The following GSAP variants were observed in gnomAD, a reference collection of about 807,000 sequenced individuals.
GSAP encodes the protein gamma-secretase-activating protein.
A neutral mutation model predicts 131.7 loss-of-function variants in GSAP; 118 were observed. The ratio of observed to expected loss-of-function variants is 0.90; its 90% confidence interval spans 0.77 to 1.04. The LOEUF (loss-of-function observed/expected upper bound fraction) is 1.04. GSAP is among the 50% of genes least tolerant of loss of function. GSAP has a pLI of 0.00. For missense variants in GSAP, 1,019 were observed against 1,013.2 expected, an observed-to-expected ratio of 1.01 and a Z score of -0.08; for synonymous variants, 381 against 363.4, an observed-to-expected ratio of 1.05 and a Z score of -0.55.
In GSAP at chr7:77,355,238, T is replaced by G. The variant is rs146379296; in HGVS notation, c.1313A>C (p.Gln438Pro). The stretch of plus-strand genomic sequence containing the variant: ...CTGGGCTTCCAGGAACTGCGCACCT[T>G]GACCGCAGTAGAGCGCGCAGTGCAA... ...AALHCALYCG[Q>P]GAQFLEAQII... Residue 438 changes from glutamine to proline, a missense_variant, in exon 16 of 31, where the codon CAA becomes CCA. Coordinates refer to ENST00000257626, the MANE Select transcript of GSAP (RefSeq NM_017439.4). 6 of 1,613,226 alleles carry G rather than the reference T, an allele frequency of 3.7e-6. No individual in the cohort carries two copies. The highest frequency in any genetic ancestry group is 5.1e-6 in the Non-Finnish European group (6 of 1,179,324).
At chr7:77,316,623 C>T (rs1303302684) in intron 26 of GSAP, among the ~76,000 whole-genome samples, 3 of 152,196 alleles carry the variant, frequency 2.0e-5, no homozygotes, top group African/African-American at 4.8e-5. Flanking sequence ...GAAAAGTTTA[C>T]ACTAGATTAT....
chr7:77,325,145 C>T (rs1788156728), intron 23 of GSAP, among the ~76,000 whole-genome samples: 1 of 152,022 alleles, frequency 6.6e-6, no homozygotes, highest in Non-Finnish European at 1.5e-5. Context: ...AATGGCTGTG[C>T]AATATTTAAT....
chr7:77,415,001 G>GC, intron 1 of GSAP, among the ~76,000 whole-genome samples: 1 of 151,920 alleles, frequency 6.6e-6, no homozygotes, highest in South Asian at 2.1e-4. Flanking sequence ...GGGATTACAG[G>GC]AGCGTGTCAC....
rs1200040086 is a variant in GSAP, at chr7:77,334,579, T to TAAAAAAAAAAAAAAAAAAAAAAAAA, written c.1546-4213_1546-4212insTTTTTTTTTTTTTTTTTTTTTTTTT. ...GCCCATGTATCCTGGAACTTAAAAT[T>TAAAAAAAAAAAAAAAAAAAAAAAAA]TAAAAAAAAAAAAAAAAAAAAAAAA... On this transcript the variant is annotated intron_variant, in intron 19 of 30. Transcript: ENST00000257626. 6.1e-4 allele frequency among the ~76,000 whole-genome samples: 50 copies of TAAAAAAAAAAAAAAAAAAAAAAAAA among 82,388 alleles called. 8 individuals are homozygous for TAAAAAAAAAAAAAAAAAAAAAAAAA. Among genetic ancestry groups the TAAAAAAAAAAAAAAAAAAAAAAAAA allele is most frequent in the Non-Finnish European group, 8.7e-4 (37 of 42,586 alleles). The allele number at this position is 82,388 out of a possible 152,430, so 54.0% of individuals were successfully genotyped here.
chr7:77,388,345 T>C (rs78106705), intron 5 of GSAP, among the ~76,000 whole-genome samples: 1,767 of 152,346 alleles, frequency 0.012, 33 homozygotes, highest in African/African-American at 0.04. Context: ...AGATTTCTGA[T>C]ACATGAACAT....
At chr7:77,397,275 A>G (rs1376183669) in intron 4 of GSAP, 71 bp downstream of exon 4, 16 of 967,774 alleles carry the variant, frequency 1.7e-5, no homozygotes, top group Non-Finnish European at 2.6e-5. Flanking sequence ...ATACTGCAAA[A>G]ATCTAATACT....
intron 1 of GSAP, among the ~76,000 whole-genome samples, chr7:77,412,129 A>G (rs982382517): frequency 2.0e-5 from 3 of 152,178 alleles, no homozygotes; most frequent in African/African-American, 7.2e-5. Flanking sequence ...CAGTGAGCTG[A>G]GATTGTGCCA....
chr7:77,358,950 G>A (rs1358976906), intron 14 of GSAP, among the ~76,000 whole-genome samples: 2 of 152,208 alleles, frequency 1.3e-5, no homozygotes, highest in African/African-American at 4.8e-5. Context: ...ACTTTGGAAG[G>A]CCGAGGCAGG....
intron 3 of GSAP, among the ~76,000 whole-genome samples, chr7:77,404,308 C>G (rs968878288): frequency 6.6e-6 from 1 of 152,222 alleles, no homozygotes; most frequent in Admixed American, 6.5e-5. Flanking sequence ...TTCCTATTGC[C>G]AATGAGTTTT....
chr7:77,328,681 T>TA, intron 21 of GSAP, 44 bp from the exon 22 acceptor site: 1 of 1,174,194 alleles, frequency 8.5e-7, no homozygotes, highest in Non-Finnish European at 1.3e-6. Flanking sequence ...GCATTGCTTT[T>TA]AAAAAATTTA....
At chr7:77,362,719 C>G in intron 12 of GSAP, 59 bp from the exon 13 acceptor site, 1 of 969,410 alleles carries the variant, frequency 1.0e-6, no homozygotes, top group Non-Finnish European at 1.7e-6. Context: ...AATAAAGTTT[C>G]CTAAACCACT....
intron 2 of GSAP, 27 bp from the exon 3 acceptor site, chr7:77,404,642 T>A: frequency 7.9e-7 from 1 of 1,260,754 alleles, no homozygotes; most frequent in Non-Finnish European, 1.2e-6. Flanking sequence ...AGATGTTTAT[T>A]AAATGTCATT....
intron 6 of GSAP, among the ~76,000 whole-genome samples, chr7:77,386,569 C>T (rs1442046832): frequency 6.6e-6 from 1 of 152,132 alleles, no homozygotes; most frequent in African/African-American, 2.4e-5. Context: ...TAACTCATGC[C>T]TGAATGAAGC....
intron 11 of GSAP, 147 bp from the exon 12 acceptor site, chr7:77,374,302 A>C (rs974357268): frequency 1.8e-6 from 1 of 553,460 alleles, no homozygotes; most frequent in Non-Finnish European, 3.2e-6. Context: ...TTGGTTAATA[A>C]ATTCTGTAGT....
chr7:77,360,943 A>G, intron 13 of GSAP, 42 bp from the exon 14 acceptor site: 1 of 1,139,902 alleles, frequency 8.8e-7, no homozygotes, highest in Non-Finnish European at 1.3e-6. Flanking sequence ...TTAAACAAAG[A>G]ACTGGAACTC....
intron 19 of GSAP, among the ~76,000 whole-genome samples, chr7:77,334,847 G>A (rs1789727886): frequency 6.6e-6 from 1 of 152,146 alleles, no homozygotes; most frequent in African/African-American, 2.4e-5. Context: ...CACTTTGGGA[G>A]ACCGAGGCGG....
chr7:77,312,233 A>ATC, intron 28 of GSAP, 31 bp from the exon 29 acceptor site: 1 of 928,470 alleles, frequency 1.1e-6, no homozygotes, highest in Non-Finnish European at 1.6e-6. Context: ...AATGTAGCGA[A>ATC]TACCACACAC....
chr7:77,343,978 T>C (rs1294180197), intron 19 of GSAP, among the ~76,000 whole-genome samples: 1 of 152,194 alleles, frequency 6.6e-6, no homozygotes, highest in African/African-American at 2.4e-5. Flanking sequence ...CACATCAAGC[T>C]TGAGGATTTG....
chr7:77,337,301 T>TGGGGGGGGGGGGAGGGGGGGGGGGG (rs34134192), intron 19 of GSAP, among the ~76,000 whole-genome samples: 1 of 65,676 alleles, frequency 1.5e-5, no homozygotes, highest in African/African-American at 4.9e-5. Context: ...GGGGGTGGGG[T>TGGGGGGGGGGGGAGGGGGGGGGGGG]GGGGGGGGGG....
Sources: allele counts gnomAD v4.1 joint callset (sites outside exome capture counted in the v4.1 genomes callset), GRCh38; gene constraint gnomAD v4.1.1; transcripts MANE v1.5; gene names NCBI Gene and HGNC (gene_info 2026-07-23, HGNC 2026-07-21).